The following PTPRS variants were observed in gnomAD, a reference collection of about 807,000 sequenced individuals.
PTPRS encodes protein tyrosine phosphatase receptor type S, also known as receptor-type tyrosine-protein phosphatase S.
PTPRS carries 63 observed loss-of-function variants against 215.3 expected under a neutral mutation model. That is an observed-to-expected ratio of 0.29 (90% CI 0.24 to 0.36). The LOEUF (loss-of-function observed/expected upper bound fraction) is 0.36. Among genes scored for constraint, PTPRS ranks in the 10% least tolerant of loss-of-function variants. The probability of loss-of-function intolerance (pLI) is 1.00; values close to 1 mark genes in which losing one functional copy is unlikely to be tolerated. For missense variants in PTPRS, 2,258 were observed against 2,825.8 expected (o/e 0.80, Z 4.56); for synonymous variants, 1,404 against 1,191.4 (o/e 1.18, Z -3.68).
intron 1 of PTPRS, among the ~76,000 whole-genome samples, chr19:5,301,236 G>T (rs547424918): frequency 2.7e-5 from 4 of 150,000 alleles, no homozygotes; most frequent in Non-Finnish European, 5.9e-5. Context: ...CGGTCCCCCC[G>T]CCAGGCCCCA....
chr19:5,206,890 T>G, intron 37 of PTPRS, 48 bp from the exon 38 acceptor site: 1 of 1,552,156 alleles, frequency 6.4e-7, no homozygotes, highest in Non-Finnish European at 8.9e-7. Flanking sequence ...CTCTAACGCC[T>G]CCCAGGGCTC....
At chr19:5,221,773 C>T (rs139174561) in intron 19 of PTPRS, among the ~76,000 whole-genome samples, 1 of 152,252 alleles carries the variant, frequency 6.6e-6, no homozygotes, top group Non-Finnish European at 1.5e-5. Flanking sequence ...CTGATTATGC[C>T]TCAGTCCCAG....
At position 5,286,271 on chromosome 19, in the gene PTPRS, G is replaced by A. The variant is rs1192250010; in HGVS notation, c.-94-37C>T. On this transcript the variant is annotated intron_variant, in intron 1 of 37. Coordinates refer to ENST00000262963, the MANE Select transcript of PTPRS (RefSeq NM_002850.4). The stretch of plus-strand genomic sequence containing the variant: ...ATGGAGGGCTGTGAGAGGCGAGTGG[G>A]GAAATCCAGGAGACCTTCATGGAGG... The A allele has an allele frequency of 1.0e-5, 10 of 980,916 alleles. No individual in the cohort carries two copies. In the Admixed American group the frequency reaches 2.1e-4, roughly 20 times the overall value. The allele number at this position is 980,916 out of a possible 1,614,324, so 60.8% of individuals were successfully genotyped here.
At chr19:5,340,287 C>A (rs1257420888) in intron 1 of PTPRS, among the ~76,000 whole-genome samples, 1 of 150,612 alleles carries the variant, frequency 6.6e-6, no homozygotes. Flanking sequence ...GCGCGCCCCC[C>A]TCCGCGCCTC....
chr19:5,278,089 C>CA lies in PTPRS; in HGVS notation c.92-3746dup, dbSNP rs1317194035. The CA allele has an allele frequency of 7.8e-6, 6 of 767,644 alleles. No individual in the cohort carries two copies. The East Asian group carries it at 1.8e-4, about 23-fold the overall frequency. 47.6% of individuals were successfully genotyped at this position (767,644 alleles called of 1,614,324 possible). A position where few individuals can be genotyped will look rare whatever the true frequency, so the allele number is the denominator to read the frequency against. ...GTGGAAAGGGCCGCCCAGCTGCCGT[C>CA]AGAGTCACCAACCCCAATGCCAGGC... On this transcript the variant is annotated intron_variant, in intron 2 of 37. Transcript: ENST00000262963.
intron 13 of PTPRS, 76 bp downstream of exon 13, chr19:5,238,843 T>G (rs549368892): frequency 6.8e-7 from 1 of 1,464,610 alleles, no homozygotes; most frequent in Admixed American, 2.6e-5. Flanking sequence ...CCCGCCTGGG[T>G]CCGTCTGCCG....
At chr19:5,325,854 A>G (rs887550967) in intron 1 of PTPRS, among the ~76,000 whole-genome samples, 8 of 152,270 alleles carry the variant, frequency 5.3e-5, no homozygotes, top group African/African-American at 1.9e-4. Flanking sequence ...AGCAACGCTC[A>G]GTTCAAGAAA....
In PTPRS at chr19:5,218,471, G is replaced by T; in HGVS notation, c.3997C>A (p.His1333Asn). ...ATTTCCACAGGGTCCTTGGGGTGGT[G>T]AGGGGCGAGGTCGGCATTGTTCAGG... ...CLLNNADLAP[H>N]HPKDPVEMRR... Residue 1333 changes from histidine (H) to asparagine (N), a missense_variant, in exon 25 of 38, where the codon CAC becomes AAC. His to Asn is a moderately conservative substitution (Grantham distance 68). This residue lies in a region of PTPRS where 927 missense variants were observed against 1,125.9 expected (regional missense o/e 0.82). Transcript: ENST00000262963. 6.2e-7 allele frequency: 1 copy of T among 1,614,134 alleles called. No individual in the cohort carries two copies. The highest frequency in any genetic ancestry group is 8.5e-7 in the Non-Finnish European group (1 of 1,180,030).
intron 9 of PTPRS, among the ~76,000 whole-genome samples, chr19:5,248,244 A>G (rs2044684097): frequency 6.6e-6 from 1 of 152,052 alleles, no homozygotes; most frequent in South Asian, 2.1e-4. Flanking sequence ...GGACAGAAAA[A>G]CGGTATCGAC....
At chr19:5,219,232 C>G (rs2041760075) in intron 23 of PTPRS, 78 bp downstream of exon 23, 1 of 1,566,146 alleles carries the variant, frequency 6.4e-7, no homozygotes, top group Non-Finnish European at 8.8e-7. Flanking sequence ...AGTGATGATT[C>G]TCTGAGACAA....
intron 35 of PTPRS, among the ~76,000 whole-genome samples, chr19:5,208,599 C>G (rs141246924): frequency 6.6e-6 from 1 of 152,126 alleles, no homozygotes; most frequent in Non-Finnish European, 1.5e-5. Flanking sequence ...TCTCCTGCCT[C>G]AGCCTCCCGA....
At position 5,320,371 on chromosome 19, in the gene PTPRS, C is replaced by T. The variant is rs370958421; in HGVS notation, c.-95+20293G>A. Among the ~76,000 whole-genome samples the T allele has an allele frequency of 5.9e-4, 90 of 152,324 alleles. 1 individual carries two copies. Among genetic ancestry groups the T allele is most frequent in the African/African-American group, 1.8e-3 (74 of 41,576 alleles). On this transcript the variant is annotated intron_variant, in intron 1 of 37. Transcript: ENST00000262963. ...ACAAGCACCATCCACTTGGCTTATCCGGCTCCCGGGAAGTGGCCAGTGTAG... is the reference window on the plus strand; with the variant it reads ...ACAAGCACCATCCACTTGGCTTATCTGGCTCCCGGGAAGTGGCCAGTGTAG...
intron 4 of PTPRS, among the ~76,000 whole-genome samples, chr19:5,272,012 G>C (rs2046951745): frequency 6.6e-6 from 1 of 152,026 alleles, no homozygotes; most frequent in East Asian, 1.9e-4. Context: ...AGATGTTTGA[G>C]TCCCTGTACT....
At position 5,212,050 on chromosome 19, in the gene PTPRS, G is replaced by T. The variant is rs1442178151; in HGVS notation, c.4970C>A (p.Pro1657His). Reference protein sequence around the residue: ...EAVGCGNTEVPARSLYAYIQK... With the variant: ...EAVGCGNTEVHARSLYAYIQK... ...GATGTAGGCATAGAGGCTGCGTGCGGGCACTTCTGTGTTGCCACAGCCCAC... is the reference window on the plus strand; with the variant it reads ...GATGTAGGCATAGAGGCTGCGTGCGTGCACTTCTGTGTTGCCACAGCCCAC... The change falls in exon 32 of 38, where the codon CCC becomes CAC. Residue 1657 changes from proline to histidine, a missense_variant. Coordinates refer to ENST00000262963, the MANE Select transcript of PTPRS (RefSeq NM_002850.4). 5 of 1,613,984 alleles carry T rather than the reference G, an allele frequency of 3.1e-6. No individual in the cohort carries two copies. In the East Asian group the frequency reaches 1.1e-4, roughly 36 times the overall value.
chr19:5,221,055 C>A lies in PTPRS; in HGVS notation c.3400G>T (p.Ala1134Ser). The change falls in exon 20 of 38, where the codon GCT (alanine) becomes TCT (serine). Residue 1134 changes from alanine to serine, a missense_variant. By Grantham distance (99) the Ala-to-Ser change is moderately conservative. Around this residue, in one of 6 missense-constraint regions of PTPRS, gnomAD observed 927 missense variants for 1,125.9 expected, o/e 0.82. Coordinates refer to ENST00000262963, the MANE Select transcript of PTPRS (RefSeq NM_002850.4). ...GKPSVAPKPD[A>S]DGFIMVYLPD... ...AGATACACCATGATGAAGCCGTCAG[C>A]ATCAGGCTTGGGGGCGACGCTGGGC... 11 of 1,613,830 alleles carry A rather than the reference C, an allele frequency of 6.8e-6. No individual in the cohort carries two copies. The highest frequency in any genetic ancestry group is 9.3e-6 in the Non-Finnish European group (11 of 1,179,964).
At position 5,277,871 on chromosome 19, in the gene PTPRS, G is replaced by A. The variant is rs545888084; in HGVS notation, c.92-3527C>T. ...CCCAGAGGTATTGACAACAGGGTTC[G>A]CAGAACGTTCAAGGGCCAGATCTTG... On this transcript the variant is annotated intron_variant, in intron 2 of 37. Transcript: ENST00000262963. 1.0e-4 allele frequency: 96 copies of A among 960,604 alleles called. 1 individual carries two copies. The African/African-American group carries it at 1.3e-3, about 13-fold the overall frequency. The allele number at this position is 960,604 out of a possible 1,614,324, so 59.5% of individuals were successfully genotyped here.
rs754413247 is a variant in PTPRS, at chr19:5,208,260, G to A, written c.5619C>T (p.Asp1873=). The A allele has an allele frequency of 9.3e-6, 15 of 1,609,186 alleles. No homozygotes were observed. Among genetic ancestry groups the A allele is most frequent in the African/African-American group, 4.0e-5 (3 of 74,958 alleles). ...VHKTKEQFGQ[D]GPISVHCSAG... is the part of the protein sequence containing the mutation. Reference sequence around the variant, plus strand: ...ACCTGCAGTGGACAGAGATGGGGCCGTCCTGGCCAAACTGCTCCTTAGTCT... The same window carrying A: ...ACCTGCAGTGGACAGAGATGGGGCCATCCTGGCCAAACTGCTCCTTAGTCT... Residue 1873 remains aspartate (D), a synonymous_variant, in exon 36 of 38, where the codon GAC becomes GAT. Coordinates refer to ENST00000262963, the MANE Select transcript of PTPRS (RefSeq NM_002850.4).
intron 2 of PTPRS, among the ~76,000 whole-genome samples, chr19:5,279,873 C>T (rs930015329): frequency 4.6e-5 from 7 of 152,124 alleles, no homozygotes; most frequent in African/African-American, 1.2e-4. Context: ...TTAGTAGAGA[C>T]GGGGTTTCAC....
rs760772749 is a variant in PTPRS, at chr19:5,237,410, G to A, written c.1849+1509C>T. ...CCAACTCCCTGTCCTGGGCCGCCCC[G>A]GAGGTTCGCGTGGCTGGGCCGAAGC... On this transcript the variant is annotated intron_variant, in intron 13 of 37. Transcript: ENST00000262963. The surrounding 1 kb of genome is among the most constrained non-coding windows in gnomAD (Gnocchi z 4.2). Among the ~76,000 whole-genome samples the A allele has an allele frequency of 1.3e-5, 2 of 152,240 alleles. No individual in the cohort carries two copies. The highest frequency in any genetic ancestry group is 2.9e-5 in the Non-Finnish European group (2 of 68,038).
Sources: allele counts gnomAD v4.1 joint callset (sites outside exome capture counted in the v4.1 genomes callset), GRCh38; gene constraint gnomAD v4.1.1; regional missense constraint gnomAD v4.1.1; non-coding constraint Gnocchi (gnomAD v3.1); transcripts MANE v1.5; gene names NCBI Gene and HGNC (gene_info 2026-07-23, HGNC 2026-07-21).